Variants in SPTLC3 observed in about 807,000 individuals in gnomAD.
SPTLC3 encodes the protein serine palmitoyltransferase long chain base subunit 3.
Under a neutral mutation model 59.3 loss-of-function variants are expected in SPTLC3, and 36 were observed. That is an observed-to-expected ratio of 0.61 (90% CI 0.47 to 0.80). The LOEUF is 0.80. Among genes scored for constraint, SPTLC3 ranks in the 30% least tolerant of loss-of-function variants. SPTLC3 has a pLI of 0.00. For synonymous variants in SPTLC3, 257 were observed against 240.8 expected, an observed-to-expected ratio of 1.07 and a Z score of -0.62; for missense variants, 625 against 685.1, an observed-to-expected ratio of 0.91 and a Z score of 0.98.
intron 6 of SPTLC3, among the ~76,000 whole-genome samples, chr20:13,095,591 G>A (rs1989382772): frequency 6.6e-6 from 1 of 152,256 alleles, no homozygotes; most frequent in Admixed American, 6.5e-5. Flanking sequence ...CCAGCTTAAG[G>A]CTTTTAGGGT....
intron 9 of SPTLC3, among the ~76,000 whole-genome samples, chr20:13,153,502 G>C (rs1196297875): frequency 6.6e-6 from 1 of 152,082 alleles, no homozygotes; most frequent in Non-Finnish European, 1.5e-5. Context: ...CTATGAATAT[G>C]CTATCCCTAC....
intron 6 of SPTLC3, among the ~76,000 whole-genome samples, chr20:13,094,159 C>G (rs1989329728): frequency 6.6e-6 from 1 of 152,126 alleles, no homozygotes; most frequent in Admixed American, 6.6e-5. Flanking sequence ...TCAGGAAACA[C>G]TTTGAAGGAG....
chr20:13,034,826 T>C (rs561019477), intron 1 of SPTLC3, among the ~76,000 whole-genome samples: 1 of 152,286 alleles, frequency 6.6e-6, no homozygotes, highest in African/African-American at 2.4e-5. Flanking sequence ...TGGTTGGATG[T>C]TAGAGCTAGA....
chr20:13,153,520 G>A (rs1367563836), intron 9 of SPTLC3, among the ~76,000 whole-genome samples: 3 of 152,114 alleles, frequency 2.0e-5, no homozygotes, highest in Non-Finnish European at 4.4e-5. Flanking sequence ...TACAAATTCA[G>A]ATTGGATGAA....
chr20:13,102,675 C>T (rs1037547563), intron 6 of SPTLC3, among the ~76,000 whole-genome samples: 2 of 152,184 alleles, frequency 1.3e-5, no homozygotes, highest in African/African-American at 4.8e-5. Context: ...AGAATCCTAA[C>T]CACTGGGCTC....
At chr20:13,074,238 C>A in intron 3 of SPTLC3, 111 bp from the exon 4 acceptor site, 2 of 1,368,308 alleles carry the variant, frequency 1.5e-6, no homozygotes, top group South Asian at 1.3e-5. Context: ...TCTCCTTGGT[C>A]ACCTCATCCT....
intron 9 of SPTLC3, among the ~76,000 whole-genome samples, chr20:13,137,113 A>G (rs1216481831): frequency 2.6e-5 from 4 of 152,148 alleles, no homozygotes; most frequent in Admixed American, 2.6e-4. Flanking sequence ...TTCCTCTTCA[A>G]TCTGGGCTTC....
At chr20:13,092,530 A>G (rs1989262675) in intron 5 of SPTLC3, among the ~76,000 whole-genome samples, 1 of 152,220 alleles carries the variant, frequency 6.6e-6, no homozygotes, top group Admixed American at 6.5e-5. Context: ...CTATCAAATG[A>G]TAGTATTGTA....
chr20:13,084,483 T>C (rs1270422532), intron 4 of SPTLC3, among the ~76,000 whole-genome samples: 2 of 152,192 alleles, frequency 1.3e-5, no homozygotes, highest in Admixed American at 6.5e-5. Context: ...TTACTAACTG[T>C]GTGACCGTGG....
intron 1 of SPTLC3, among the ~76,000 whole-genome samples, chr20:13,019,465 G>T (rs186178165): frequency 6.6e-6 from 1 of 152,018 alleles, no homozygotes; most frequent in Non-Finnish European, 1.5e-5. Context: ...GGCTCGCCTC[G>T]ATTTAATTTA....
At chr20:13,038,469 T>C (rs766248858) in intron 1 of SPTLC3, among the ~76,000 whole-genome samples, 1 of 152,162 alleles carries the variant, frequency 6.6e-6, no homozygotes, top group Non-Finnish European at 1.5e-5. Context: ...TGTTGACATA[T>C]AATTATTCAT....
chr20:13,123,683 T>C (rs1217820616), intron 8 of SPTLC3, among the ~76,000 whole-genome samples: 4 of 152,220 alleles, frequency 2.6e-5, no homozygotes, highest in Non-Finnish European at 2.9e-5. Context: ...CTCCATTCTA[T>C]GCCCATAAGA....
intron 7 of SPTLC3, among the ~76,000 whole-genome samples, chr20:13,111,295 G>A (rs1990220004): frequency 6.6e-6 from 1 of 152,128 alleles, no homozygotes; most frequent in Admixed American, 6.5e-5. Flanking sequence ...AGTATGTACT[G>A]TTGATGAAGT....
At position 13,148,883 on chromosome 20, in the gene SPTLC3, CT is replaced by C. The variant is rs2038579211; in HGVS notation, c.1280-5117del. On this transcript the variant is annotated intron_variant, in intron 9 of 11. Coordinates refer to ENST00000399002, the MANE Select transcript of SPTLC3 (RefSeq NM_018327.4). Reference sequence around the variant, plus strand: ...TGCCCAGCAGAAAATGGCAATTCCCCTTTCAACGACCTACTAAATGCCAGAT... The same window carrying C: ...TGCCCAGCAGAAAATGGCAATTCCCCTTCAACGACCTACTAAATGCCAGAT... Among the ~76,000 whole-genome samples the C allele has an allele frequency of 2.0e-5, 3 of 152,332 alleles. No homozygotes were observed. The South Asian group carries it at 6.2e-4, about 32-fold the overall frequency.
chr20:13,044,660 G>C (rs1411572315), intron 1 of SPTLC3, among the ~76,000 whole-genome samples: 1 of 151,966 alleles, frequency 6.6e-6, no homozygotes, highest in Non-Finnish European at 1.5e-5. Flanking sequence ...AACAAAAATC[G>C]TAACATTTAA....
At chr20:13,151,947 A>C (rs1299797200) in intron 9 of SPTLC3, among the ~76,000 whole-genome samples, 3 of 152,126 alleles carry the variant, frequency 2.0e-5, no homozygotes, top group Admixed American at 1.3e-4. Flanking sequence ...TGAGGCTGTC[A>C]AACACTTGCT....
At chr20:13,068,298 T>C (rs1179906821) in intron 2 of SPTLC3, among the ~76,000 whole-genome samples, 4 of 152,242 alleles carry the variant, frequency 2.6e-5, no homozygotes, top group African/African-American at 9.6e-5. Context: ...TTTTCTATCA[T>C]ATCTAGCCAT....
chr20:13,110,328 T>C, intron 7 of SPTLC3, 111 bp downstream of exon 7: 1 of 893,544 alleles, frequency 1.1e-6, no homozygotes. Flanking sequence ...GAATTGGTTA[T>C]ATGACACAGG....
intron 8 of SPTLC3, among the ~76,000 whole-genome samples, chr20:13,125,493 CA>C (rs1371635942): frequency 1.3e-5 from 2 of 152,226 alleles, no homozygotes; most frequent in Non-Finnish European, 2.9e-5. Flanking sequence ...AAACCACCCC[CA>C]AATTTGGTGT....
Sources: gnomAD v4.1 joint callset for allele counts (sites outside exome capture counted in the v4.1 genomes callset) on GRCh38, gnomAD v4.1.1 for gene constraint, MANE v1.5 for transcripts, NCBI Gene and HGNC (gene_info 2026-07-23, HGNC 2026-07-21) for gene names.